Variants in WWOX observed in about 807,000 individuals in gnomAD.
WWOX encodes WW domain-containing oxidoreductase.
A neutral mutation model predicts 46.2 loss-of-function variants in WWOX; 69 were observed. The observed-to-expected ratio is 1.49, with a 90% CI of 1.23 to 1.82. WWOX has a LOEUF of 1.82. Among genes scored for constraint, WWOX ranks in the 40% most tolerant of loss-of-function variants. The probability of loss-of-function intolerance (pLI) is 0.00; values close to 1 mark genes in which losing one functional copy is unlikely to be tolerated. For synonymous variants in WWOX, 359 were observed against 202.6 expected (o/e 1.77, Z -6.56); for missense variants, 919 against 542.6 (o/e 1.69, Z -6.89).
intron 8 of WWOX, among the ~76,000 whole-genome samples, chr16:79,072,572 G>A (rs993712962): frequency 3.3e-5 from 5 of 152,168 alleles, no homozygotes; most frequent in African/African-American, 4.8e-5. Flanking sequence ...TGCAGTTGAC[G>A]TTTTTATTTA....
At chr16:78,197,924 C>T (rs1339468835) in intron 5 of WWOX, among the ~76,000 whole-genome samples, 1 of 152,192 alleles carries the variant, frequency 6.6e-6, no homozygotes, top group African/African-American at 2.4e-5. Context: ...TCCTCCTTCC[C>T]TGTACTGGTA....
intron 8 of WWOX, among the ~76,000 whole-genome samples, chr16:78,575,428 C>A (rs924499805): frequency 2.0e-5 from 3 of 151,508 alleles, no homozygotes; most frequent in Non-Finnish European, 4.4e-5. Context: ...TTACACCTAC[C>A]CATTAGTCTA....
At chr16:78,386,977 C>G (rs748827826) in intron 6 of WWOX, 29 bp downstream of exon 6, 28 of 1,593,980 alleles carry the variant, frequency 1.8e-5, no homozygotes, top group Non-Finnish European at 1.6e-5. Flanking sequence ...GGTTATAGAT[C>G]ATAATTTCTT....
intron 8 of WWOX, among the ~76,000 whole-genome samples, chr16:78,586,151 G>T (rs1032494703): frequency 6.6e-6 from 1 of 152,236 alleles, no homozygotes. Flanking sequence ...GAGCCCCGGA[G>T]TTCAAGACTA....
chr16:78,143,580 A>C (rs1029478649), intron 4 of WWOX, among the ~76,000 whole-genome samples: 5 of 152,174 alleles, frequency 3.3e-5, no homozygotes, highest in Non-Finnish European at 5.9e-5. Flanking sequence ...GCAAAGCCCA[A>C]GATATTTACT....
intron 8 of WWOX, among the ~76,000 whole-genome samples, chr16:79,164,562 A>G (rs1025159453): frequency 7.9e-5 from 12 of 152,204 alleles, no homozygotes; most frequent in African/African-American, 2.9e-4. Flanking sequence ...ACAGGCGTCC[A>G]GAGCAAGAAT....
At chr16:78,878,541 TAATA>T (rs1335112017) in intron 8 of WWOX, among the ~76,000 whole-genome samples, 2 of 152,194 alleles carry the variant, frequency 1.3e-5, no homozygotes, top group African/African-American at 2.4e-5. Flanking sequence ...CATTGGCACT[TAATA>T]AATGTTAACT....
chr16:78,678,363 G>A (rs867490215), intron 8 of WWOX, among the ~76,000 whole-genome samples: 11 of 152,192 alleles, frequency 7.2e-5, no homozygotes, highest in South Asian at 2.1e-4. Flanking sequence ...GCAACAGAGC[G>A]AGACCTTCTG....
intron 8 of WWOX, among the ~76,000 whole-genome samples, chr16:78,922,380 ATTT>A (rs33954701): frequency 4.4e-5 from 6 of 137,490 alleles, no homozygotes; most frequent in Non-Finnish European, 3.2e-5. Context: ...TATTTCAGTG[ATTT>A]TTTTTTTTTT....
rs573674654 is a variant in WWOX, at chr16:78,351,865, C to T, written c.517-34995C>T. ...CGAGACGTAGTTTCACCATGTTGGC[C>T]AGGCTGGTCTCAAACTCGTGACCTT... On this transcript the variant is annotated intron_variant, in intron 5 of 8. Coordinates refer to ENST00000566780, the MANE Select transcript of WWOX (RefSeq NM_016373.4). Among the ~76,000 whole-genome samples, 8 of 152,282 alleles carry T rather than the reference C, an allele frequency of 5.3e-5. No homozygotes were observed. In the East Asian group the frequency reaches 9.6e-4, roughly 18 times the overall value.
At chr16:78,468,463 CT>C (rs1199879325) in intron 8 of WWOX, among the ~76,000 whole-genome samples, 1 of 152,064 alleles carries the variant, frequency 6.6e-6, no homozygotes, top group African/African-American at 2.4e-5. Context: ...CAGATTCATC[CT>C]TTTGCTTCCA....
intron 8 of WWOX, among the ~76,000 whole-genome samples, chr16:79,095,767 G>C (rs2049054939): frequency 6.6e-6 from 1 of 151,832 alleles, no homozygotes; most frequent in East Asian, 1.9e-4. Flanking sequence ...TCACAAATAG[G>C]AATACAGACC....
intron 8 of WWOX, among the ~76,000 whole-genome samples, chr16:78,659,199 C>T (rs1008821320): frequency 6.6e-6 from 1 of 152,038 alleles, no homozygotes; most frequent in East Asian, 1.9e-4. Flanking sequence ...GTATTCTTAT[C>T]CTCATTTTAC....
intron 8 of WWOX, among the ~76,000 whole-genome samples, chr16:78,800,267 T>G (rs558469967): frequency 4.1e-4 from 62 of 152,278 alleles, no homozygotes; most frequent in Non-Finnish European, 1.9e-4. Context: ...AAGTCGAGCT[T>G]TTCAGCCACA....
In WWOX at chr16:79,143,207, A is replaced by T. The variant is rs112879358; in HGVS notation, c.1057-68401A>T. Among the ~76,000 whole-genome samples, 3 of 152,168 alleles carry T rather than the reference A, an allele frequency of 2.0e-5. No homozygotes were observed. The East Asian group carries it at 5.8e-4, about 29-fold the overall frequency. On this transcript the variant is annotated intron_variant, in intron 8 of 8. Coordinates refer to ENST00000566780, the MANE Select transcript of WWOX (RefSeq NM_016373.4). ...TTATAGTTTCTCTCAAAGAATGTCA[A>T]TCCTATTGTCTTTCCCTGCTTCCCC...
intron 8 of WWOX, among the ~76,000 whole-genome samples, chr16:78,744,393 A>G (rs1344844892): frequency 1.4e-5 from 2 of 146,986 alleles, no homozygotes; most frequent in East Asian, 2.0e-4. Flanking sequence ...TGAAGGGGCC[A>G]GATTAGGAAG....
At chr16:78,275,054 G>GT (rs1437332244) in intron 5 of WWOX, among the ~76,000 whole-genome samples, 1 of 152,118 alleles carries the variant, frequency 6.6e-6, no homozygotes, top group East Asian at 1.9e-4. Context: ...GATATAACAG[G>GT]TTTTTTTCTT....
Position 78,404,907 on chromosome 16 carries a change from G to C in WWOX, c.605+17959G>C, listed in dbSNP as rs371414460. Among the ~76,000 whole-genome samples the C allele has an allele frequency of 5.3e-5, 8 of 152,320 alleles. No individual in the cohort carries two copies. In the South Asian group the frequency reaches 8.3e-4, roughly 16 times the overall value. ...CCAGAACTGTAACACCAAGGAATGA[G>C]ACCTGCATGTCAGATATCATGCCCA... On this transcript the variant is annotated intron_variant, in intron 6 of 8. Coordinates refer to ENST00000566780, the MANE Select transcript of WWOX (RefSeq NM_016373.4).
chr16:78,627,572 A>T (rs548953356), intron 8 of WWOX, among the ~76,000 whole-genome samples: 2 of 152,346 alleles, frequency 1.3e-5, no homozygotes, highest in East Asian at 3.9e-4. Context: ...GTAAAATCAC[A>T]GAGAAAAGGA....
Sources: allele counts gnomAD v4.1 joint callset (sites outside exome capture counted in the v4.1 genomes callset), GRCh38; gene constraint gnomAD v4.1.1; transcripts MANE v1.5; gene names NCBI Gene and HGNC (gene_info 2026-07-23, HGNC 2026-07-21).